The following PTBP3 variants were observed in gnomAD, a reference collection of about 807,000 sequenced individuals.
PTBP3 encodes polypyrimidine tract binding protein 3.
Under a neutral mutation model 58.7 loss-of-function variants are expected in PTBP3, and 20 were observed. The observed-to-expected ratio is 0.34, with a 90% CI of 0.24 to 0.50. The LOEUF (loss-of-function observed/expected upper bound fraction) is 0.50, where lower values mean the gene tolerates loss of function less well. PTBP3 is among the 20% of genes least tolerant of loss of function. PTBP3 has a pLI of 0.98. For missense variants in PTBP3, 509 were observed against 637.2 expected, an observed-to-expected ratio of 0.80 and a Z score of 2.17; for synonymous variants, 185 against 219.8, an observed-to-expected ratio of 0.84 and a Z score of 1.40.
chr9:112,270,924 C>T (rs1463272678), intron 3 of PTBP3, among the ~76,000 whole-genome samples: 2 of 151,990 alleles, frequency 1.3e-5, no homozygotes, highest in Admixed American at 6.6e-5. Context: ...TTCAAGCAAT[C>T]CGCGGCTCAC....
chr9:112,354,030 G>A, the PTBP3 span, among the ~76,000 whole-genome samples: 1 of 151,762 alleles, frequency 6.6e-6, no homozygotes, highest in Non-Finnish European at 1.5e-5. Context: ...TTCCTTTTCG[G>A]CTATCTGAGA....
intron 1 of PTBP3, among the ~76,000 whole-genome samples, chr9:112,317,887 G>A (rs1829770951): frequency 1.3e-5 from 2 of 152,124 alleles, no homozygotes; most frequent in Non-Finnish European, 2.9e-5. Context: ...AGGTTGCAGT[G>A]AGCCAAGATC....
At chr9:112,377,823 C>A in the PTBP3 span, among the ~76,000 whole-genome samples, 1 of 152,124 alleles carries the variant, frequency 6.6e-6, no homozygotes, top group East Asian at 1.9e-4. Flanking sequence ...GACTTTACAC[C>A]AGAAATCTGA....
upstream of PTBP3, among the ~76,000 whole-genome samples, chr9:112,335,047 T>A (rs767323956): frequency 6.6e-6 from 1 of 152,240 alleles, no homozygotes; most frequent in Admixed American, 6.5e-5. Context: ...GCTGATGCAG[T>A]CTTTCTATCA....
upstream of PTBP3, among the ~76,000 whole-genome samples, chr9:112,334,739 C>T (rs763134228): frequency 2.6e-5 from 4 of 152,180 alleles, no homozygotes; most frequent in Admixed American, 6.5e-5. Flanking sequence ...ACTGTGGACT[C>T]ATTCATCATT....
chr9:112,300,262 A>G (rs1255914393), intron 1 of PTBP3, among the ~76,000 whole-genome samples: 1 of 152,212 alleles, frequency 6.6e-6, no homozygotes, highest in African/African-American at 2.4e-5. Context: ...ATAAACCCCA[A>G]GATATTGCCT....
At chr9:112,376,405 T>C in the PTBP3 span, among the ~76,000 whole-genome samples, 1,297 of 151,586 alleles carry the variant, frequency 8.6e-3, 26 homozygotes, top group African/African-American at 0.03. Flanking sequence ...AGGTGTGTGC[T>C]ACCACGCCCA....
the PTBP3 span, among the ~76,000 whole-genome samples, chr9:112,346,409 C>G: frequency 6.6e-6 from 1 of 151,742 alleles, no homozygotes. Context: ...TCAGGTGATC[C>G]ACCTGCCTCA....
chr9:112,306,101 C>T (rs1046110974), intron 1 of PTBP3, among the ~76,000 whole-genome samples: 1 of 152,114 alleles, frequency 6.6e-6, no homozygotes, highest in Admixed American at 6.5e-5. Context: ...CTCATAACAT[C>T]ACAGTTGGCC....
chr9:112,379,871 C>T, the PTBP3 span: 4 of 547,440 alleles, frequency 7.3e-6, no homozygotes, highest in African/African-American at 2.0e-5. Context: ...TGATTGTCAC[C>T]GTACGACCAG....
intron 7 of PTBP3, among the ~76,000 whole-genome samples, chr9:112,245,747 A>G (rs1835849873): frequency 6.6e-6 from 1 of 152,162 alleles, no homozygotes; most frequent in Non-Finnish European, 1.5e-5. Flanking sequence ...TGCTCCAATT[A>G]TGAGGGTGGC....
At chr9:112,276,628 AC>A (rs922027418) in intron 2 of PTBP3, among the ~76,000 whole-genome samples, 2 of 152,088 alleles carry the variant, frequency 1.3e-5, no homozygotes, top group African/African-American at 4.8e-5. Flanking sequence ...GAAATTTCCA[AC>A]CCCACCCAGA....
intron 1 of PTBP3, among the ~76,000 whole-genome samples, chr9:112,331,877 C>T (rs1731363226): frequency 6.6e-6 from 1 of 152,280 alleles, no homozygotes; most frequent in Admixed American, 6.5e-5. Context: ...TTCAAGAGTC[C>T]TCTTTATTAT....
chr9:112,267,426 C>A (rs1183701913), intron 4 of PTBP3, among the ~76,000 whole-genome samples: 5 of 152,132 alleles, frequency 3.3e-5, no homozygotes, highest in Non-Finnish European at 5.9e-5. Context: ...CTCGGCCTCC[C>A]AAACCGCGCC....
chr9:112,239,696 A>C (rs941481261), intron 7 of PTBP3, among the ~76,000 whole-genome samples: 1 of 151,646 alleles, frequency 6.6e-6, no homozygotes, highest in Non-Finnish European at 1.5e-5. Flanking sequence ...GCACCACTGC[A>C]CTCCAGCCTG....
intron 4 of PTBP3, among the ~76,000 whole-genome samples, chr9:112,263,802 G>C (rs938173361): frequency 6.6e-6 from 1 of 152,130 alleles, no homozygotes; most frequent in Admixed American, 6.5e-5. Flanking sequence ...TTGTTTGTAG[G>C]AAATGCAGGC....
intron 8 of PTBP3, 75 bp downstream of exon 8, chr9:112,234,745 T>C: frequency 7.4e-7 from 1 of 1,359,848 alleles, no homozygotes; most frequent in Non-Finnish European, 1.0e-6. Context: ...ATGATAACAT[T>C]CTTCATCTTG....
chr9:112,291,712 A>T (rs75736865), intron 2 of PTBP3, among the ~76,000 whole-genome samples: 1 of 152,224 alleles, frequency 6.6e-6, no homozygotes, highest in Non-Finnish European at 1.5e-5. Context: ...ATGAAAAAAA[A>T]TTAACTCAAA....
the PTBP3 span, among the ~76,000 whole-genome samples, chr9:112,347,130 C>T: frequency 6.6e-6 from 1 of 152,128 alleles, no homozygotes; most frequent in East Asian, 1.9e-4. Context: ...TATAAATAGC[C>T]TAATGCTATA....
Sources: gnomAD v4.1 joint callset for allele counts (sites outside exome capture counted in the v4.1 genomes callset) on GRCh38, gnomAD v4.1.1 for gene constraint, MANE v1.5 for transcripts, NCBI Gene and HGNC (gene_info 2026-07-23, HGNC 2026-07-21) for gene names.